The following UBR2 variants were observed in gnomAD, a reference collection of about 807,000 sequenced individuals.
UBR2 encodes E3 ubiquitin-protein ligase UBR2.
Under a neutral mutation model 247.9 loss-of-function variants are expected in UBR2, and 92 were observed. The ratio of observed to expected loss-of-function variants is 0.37; its 90% confidence interval spans 0.31 to 0.44. UBR2 has a LOEUF of 0.44. Ranked by LOEUF, UBR2 falls within the 20% of genes least tolerant of loss-of-function variation. UBR2 has a pLI of 1.00. For missense variants in UBR2, 1,613 were observed against 2,112.6 expected (o/e 0.76, Z 4.64); for synonymous variants, 672 against 693.5 (o/e 0.97, Z 0.49).
rs190049066 is a variant in UBR2 at position 42,646,844 on chromosome 6, T to C, written c.2409+1254T>C. On this transcript the variant is annotated intron_variant, in intron 21 of 46. Coordinates refer to ENST00000372901, the MANE Select transcript of UBR2 (RefSeq NM_001363705.2). ...ATAGAGAGAGAGAGAGAGAGAGAGA[T>C]AGAGTCTGGCTTGGTCACCCAGGCT... Among the ~76,000 whole-genome samples the C allele has an allele frequency of 6.7e-3, 999 of 148,596 alleles. 8 individuals carry two copies. Among genetic ancestry groups the C allele is most frequent in the African/African-American group, 0.022 (897 of 40,312 alleles).
chr6:42,632,907 A>G lies in UBR2; in HGVS notation c.1545+3A>G. 1 of 1,437,886 alleles carries G rather than the reference A, an allele frequency of 7.0e-7. No individual in the cohort carries two copies. Among genetic ancestry groups the G allele is most frequent in the African/African-American group, 1.5e-5 (1 of 66,734 alleles). The allele number at this position is 1,437,886 out of a possible 1,614,324, so 89.1% of individuals were successfully genotyped here. ...TGGAATTACTAAAATGTATGCAGGT[A>G]TGTAAAAACTGTTACACTTTTCTTT... is the stretch of plus-strand genomic sequence containing the variant. On this transcript the variant is annotated splice_donor_region_variant and intron_variant, in intron 13 of 46. Coordinates refer to ENST00000372901, the MANE Select transcript of UBR2 (RefSeq NM_001363705.2).
Position 42,662,000 on chromosome 6 carries a change from T to TA in UBR2, c.3443-183dup, listed in dbSNP as rs746241659. Among the ~76,000 whole-genome samples the TA allele has an allele frequency of 3.9e-5, 6 of 152,356 alleles. No individual in the cohort carries two copies. In the East Asian group the frequency reaches 5.8e-4, roughly 15 times the overall value. On this transcript the variant is annotated intron_variant, in intron 30 of 46. Transcript: ENST00000372901. ...TTAATTTGCTGTGGGTGGTGAAAAT[T>TA]AGAGAGTCCTACTTTCTAAATAATC...
intron 25 of UBR2, 109 bp from the exon 26 acceptor site, chr6:42,655,512 T>A: frequency 1.6e-6 from 1 of 633,748 alleles, no homozygotes; most frequent in Non-Finnish European, 2.6e-6. Context: ...GCATTTAGTA[T>A]TTCATAGTTT....
intron 7 of UBR2, among the ~76,000 whole-genome samples, chr6:42,609,466 G>A (rs1793924277): frequency 6.6e-6 from 1 of 152,158 alleles, no homozygotes; most frequent in Non-Finnish European, 1.5e-5. Context: ...AGAAATGTGT[G>A]TGTAAATATG....
At chr6:42,632,949 CTCTTTTCTCTTTTTTTTTTTTTTTTT>C in intron 13 of UBR2, 45 bp downstream of exon 13, 1 of 906,898 alleles carries the variant, frequency 1.1e-6, no homozygotes, top group African/African-American at 2.2e-5. Context: ...TTTTTTTTTT[CTCTTTTCTCTTTTTTTTTTTTTTTTT>C]AATTTTTCTT....
chr6:42,636,464 C>T (rs1796100926), intron 14 of UBR2, among the ~76,000 whole-genome samples: 1 of 152,140 alleles, frequency 6.6e-6, no homozygotes, highest in Non-Finnish European at 1.5e-5. Flanking sequence ...CCAGCGTGAG[C>T]CACCACACTC....
intron 25 of UBR2, 44 bp from the exon 26 acceptor site, chr6:42,655,577 G>T: frequency 8.5e-7 from 1 of 1,178,678 alleles, no homozygotes; most frequent in Non-Finnish European, 1.2e-6. Flanking sequence ...ATATGTACTT[G>T]ATTTTTTAAA....
At chr6:42,628,492 T>G (rs1041450347) in intron 11 of UBR2, among the ~76,000 whole-genome samples, 1 of 151,802 alleles carries the variant, frequency 6.6e-6, no homozygotes, top group Non-Finnish European at 1.5e-5. Flanking sequence ...GAGGCAAAGG[T>G]GGGAGGATCA....
Position 42,678,815 on chromosome 6 carries a change from A to G in UBR2, c.4609+146A>G. On this transcript the variant is annotated intron_variant, in intron 41 of 46. Coordinates refer to ENST00000372901, the MANE Select transcript of UBR2 (RefSeq NM_001363705.2). ...GGTGATGTACACATTTATAGCATAA[A>G]ATGTATGTTTATGCATATGTCTCCA... 3 of 898,634 alleles carry G rather than the reference A, an allele frequency of 3.3e-6. No individual in the cohort carries two copies. The South Asian group carries it at 6.0e-5, about 18-fold the overall frequency. The allele number at this position is 898,634 out of a possible 1,614,324, so 55.7% of individuals were successfully genotyped here. A position where few individuals can be genotyped will look rare whatever the true frequency, so the allele number is the denominator to read the frequency against.
At chr6:42,631,540 A>C (rs1795710490) in intron 11 of UBR2, among the ~76,000 whole-genome samples, 1 of 152,248 alleles carries the variant, frequency 6.6e-6, no homozygotes, top group Non-Finnish European at 1.5e-5. Context: ...AAATATTCCT[A>C]CAACTATACA....
At chr6:42,664,403 A>G (rs1443917285) in intron 32 of UBR2, 3 of 152,212 alleles carry the variant, frequency 2.0e-5, no homozygotes, top group Non-Finnish European at 4.4e-5. Context: ...GAATTTGATA[A>G]TGTCTGCTTT....
At chr6:42,576,654 C>G (rs752001495) in intron 2 of UBR2, among the ~76,000 whole-genome samples, 1 of 151,714 alleles carries the variant, frequency 6.6e-6, no homozygotes, top group Non-Finnish European at 1.5e-5. Flanking sequence ...CTCTGCCTCC[C>G]GAGTAGATGG....
chr6:42,622,914 G>T (rs1795092783), intron 11 of UBR2, among the ~76,000 whole-genome samples: 1 of 149,488 alleles, frequency 6.7e-6, no homozygotes. Context: ...CTATCATCCT[G>T]CCTCAGCCTC....
At position 42,645,602 on chromosome 6, in the gene UBR2, C is replaced by T. The variant is rs1210230803; in HGVS notation, c.2409+12C>T. The T allele has an allele frequency of 6.2e-7, 1 of 1,609,728 alleles. No individual in the cohort carries two copies. The highest frequency in any genetic ancestry group is 1.3e-5 in the African/African-American group (1 of 74,448). The stretch of plus-strand genomic sequence containing the variant: ...CTTTACCTGAAGATGTAAGTACCTA[C>T]ATTTCTAAAAAGAAAACCATAGAAA... On this transcript the variant is annotated intron_variant, in intron 21 of 46. Transcript: ENST00000372901.
At chr6:42,571,430 G>A (rs1791135187) in intron 1 of UBR2, among the ~76,000 whole-genome samples, 2 of 152,004 alleles carry the variant, frequency 1.3e-5, no homozygotes, top group Admixed American at 1.3e-4. Flanking sequence ...CTAGGATCAT[G>A]GAGGTGAATT....
intron 11 of UBR2, chr6:42,619,857 A>G (rs1316584855): frequency 1.5e-6 from 1 of 688,404 alleles, no homozygotes; most frequent in Admixed American, 6.3e-5. Context: ...AGCTGGGACC[A>G]CAGATGCATG....
intron 13 of UBR2, chr6:42,634,252 C>A (rs1336552860): frequency 2.4e-6 from 1 of 422,676 alleles, no homozygotes; most frequent in East Asian, 7.7e-5. Context: ...TTTTAGGAAA[C>A]ATCCCTATAT....
intron 1 of UBR2, 150 bp downstream of exon 1, chr6:42,564,547 G>T: frequency 1.2e-6 from 1 of 825,900 alleles, no homozygotes; most frequent in Non-Finnish European, 1.9e-6. Context: ...AGCCCGGGGA[G>T]GCCACCGATC....
chr6:42,631,891 A>ATATATATATATAT (rs752152787), intron 11 of UBR2, among the ~76,000 whole-genome samples: 2,233 of 113,452 alleles, frequency 0.02, 166 homozygotes, highest in African/African-American at 0.029. Context: ...TATATATATA[A>ATATATATATATAT]ATACAGGTTC....
Sources: allele counts gnomAD v4.1 joint callset (sites outside exome capture counted in the v4.1 genomes callset), GRCh38; gene constraint gnomAD v4.1.1; transcripts MANE v1.5; gene names NCBI Gene and HGNC (gene_info 2026-07-23, HGNC 2026-07-21).